The following SCART1 variants were observed in gnomAD, a reference collection of about 807,000 sequenced individuals.
The protein encoded by SCART1 is scavenger receptor cysteine-rich domain-containing protein SCART1.
SCART1 carries 62 observed loss-of-function variants against 36.2 expected under a neutral mutation model. The ratio of observed to expected loss-of-function variants is 1.71; its 90% CI spans 1.40 to 2.12. The LOEUF (loss-of-function observed/expected upper bound fraction) is 2.12, where lower values mean the gene tolerates loss of function less well. Among genes scored for constraint, SCART1 ranks in the 30% most tolerant of loss-of-function variants. The pLI is 0.00. For synonymous variants in SCART1, 487 were observed against 238.7 expected (o/e 2.04, Z -9.59); for missense variants, 1,041 against 540.5 (o/e 1.93, Z -9.18).
At chr10:133,468,094 A>G in exon 12 of SCART1, 1 of 567,500 alleles carries the variant, frequency 1.8e-6, no homozygotes. Context: ...CTCCATGTCC[A>G]TGTAAAATCC....
intron 6 of SCART1, among the ~76,000 whole-genome samples, chr10:133,460,833 G>A: frequency 6.6e-6 from 1 of 151,530 alleles, no homozygotes; most frequent in East Asian, 1.9e-4. Context: ...CTGCTTCCTG[G>A]GCTCAAACCA....
chr10:133,456,472 G>A (rs1850613756), exon 2 of SCART1: 3 of 701,974 alleles, frequency 4.3e-6, no homozygotes, highest in Non-Finnish European at 5.2e-6. Flanking sequence ...GGGGCAACGA[G>A]TCCTCCCTCT....
chr10:133,460,496 A>ATATATATATATTTTTTTT, intron 6 of SCART1, among the ~76,000 whole-genome samples: 2 of 136,006 alleles, frequency 1.5e-5, no homozygotes, highest in Non-Finnish European at 3.2e-5. Flanking sequence ...ATATTTATAT[A>ATATATATATATTTTTTTT]TTTTAAAAAA....
At chr10:133,456,041 A>T (rs1850605621) in intron 1 of SCART1, among the ~76,000 whole-genome samples, 196 bp from the exon 2 acceptor site, 1 of 152,048 alleles carries the variant, frequency 6.6e-6, no homozygotes, top group African/African-American at 2.4e-5. Context: ...GGAGGGGAGT[A>T]GCCCCCGGGG....
intron 6 of SCART1, among the ~76,000 whole-genome samples, chr10:133,463,504 C>CTTTT (rs34222160): frequency 8.0e-6 from 1 of 125,760 alleles, no homozygotes. Context: ...ACGTATTTGA[C>CTTTT]TTTTTTTTTT....
chr10:133,456,644 G>C, intron 2 of SCART1, 90 bp downstream of exon 2: 1 of 598,548 alleles, frequency 1.7e-6, no homozygotes, highest in Non-Finnish European at 3.0e-6. Context: ...GAGGAGGACT[G>C]GGAGGATGGC....
intron 10 of SCART1, 55 bp from the exon 11 acceptor site, chr10:133,467,143 C>T: frequency 6.6e-6 from 4 of 609,146 alleles, no homozygotes. Flanking sequence ...CCTCCCTTGC[C>T]TGTGGCCACA....
Position 133,464,727 on chromosome 10 carries a change from C to G in SCART1, c.2091C>G (p.Ile697Met), listed in dbSNP as rs956591569. 1.4e-5 allele frequency: 10 copies of G among 697,440 alleles called. No homozygotes were observed. The African/African-American group carries it at 1.7e-4, about 12-fold the overall frequency. 43.2% of individuals were successfully genotyped at this position (697,440 alleles called of 1,614,324 possible). A position where few individuals can be genotyped will look rare whatever the true frequency, so the allele number is the denominator to read the frequency against. ...CCCTGAAGGACCTCTCCTTGTCCAT[C>G]ATCTGCAAGCAGCTGGGGTGTGGGG... The change falls in exon 7 of 12, where the codon ATC becomes ATG. Residue 697 changes from isoleucine to methionine, a missense_variant. Coordinates refer to ENST00000640237, the Ensembl canonical transcript of SCART1.
chr10:133,459,431 G>T (rs1850665631), intron 5 of SCART1, 56 bp from the exon 6 acceptor site: 1 of 615,896 alleles, frequency 1.6e-6, no homozygotes. Context: ...CTGCTGGGGG[G>T]TGGTCCTGGG....
At position 133,457,464 on chromosome 10, in the gene SCART1, AG is replaced by A; in HGVS notation, c.573del (p.Lys192SerfsTer56). The A allele has an allele frequency of 1.4e-6, 1 of 702,674 alleles. No individual in the cohort carries two copies. The highest frequency in any genetic ancestry group is 1.5e-5 in the South Asian group (1 of 67,572). The allele number at this position is 702,674 out of a possible 1,614,324, so 43.5% of individuals were successfully genotyped here. ...CCCCCGCCGGGACGTGGGCGTCGTC[AG>A]GAAGTACCTGGCCTGCAGGGGTACC... On this transcript the variant is annotated frameshift_variant, in exon 3 of 12. Coordinates refer to ENST00000640237, the Ensembl canonical transcript of SCART1. LOFTEE classifies it high-confidence loss of function.
intron 3 of SCART1, chr10:133,457,990 G>A (rs1371888058): frequency 1.1e-5 from 6 of 529,052 alleles, no homozygotes; most frequent in Admixed American, 3.2e-5. Context: ...GAAATGAGGT[G>A]GATAGTCTGC....
chr10:133,458,474 G>T (rs1850648851), exon 4 of SCART1: 2 of 692,700 alleles, frequency 2.9e-6, no homozygotes, highest in Non-Finnish European at 5.3e-6. Flanking sequence ...CACGTGGTGT[G>T]CCGGGAGCTG....
At chr10:133,465,113 A>C (rs577762646) in exon 8 of SCART1, 21 of 703,066 alleles carry the variant, frequency 3.0e-5, no homozygotes, top group South Asian at 3.0e-4. Flanking sequence ...CAGGATTGTC[A>C]GAGGACAGGC....
At chr10:133,460,713 T>G (rs1285237522) in intron 6 of SCART1, among the ~76,000 whole-genome samples, 2 of 151,032 alleles carry the variant, frequency 1.3e-5, no homozygotes, top group African/African-American at 4.9e-5. Context: ...AGATTCTTAA[T>G]TTTGATCCAT....
At chr10:133,459,404 G>A (rs780358708) in intron 5 of SCART1, 78 bp downstream of exon 5, 66 of 614,172 alleles carry the variant, frequency 1.1e-4, no homozygotes, top group Admixed American at 2.2e-4. Flanking sequence ...GACAGAGGGG[G>A]CGGAGAGGTA....
chr10:133,456,309 G>A (rs1422585557), exon 2 of SCART1: 1 of 702,974 alleles, frequency 1.4e-6, no homozygotes, highest in Admixed American at 2.0e-5. Context: ...CGACACCACG[G>A]GGCATGGGGA....
chr10:133,465,312 G>A lies in SCART1; in HGVS notation c.2406G>A (p.Trp802Ter), dbSNP rs1227139570. 1 of 682,420 alleles carries A rather than the reference G, an allele frequency of 1.5e-6. No homozygotes were observed. Among genetic ancestry groups the A allele is most frequent in the Non-Finnish European group, 2.7e-6 (1 of 375,082 alleles). The allele number at this position is 682,420 out of a possible 1,614,324, so 42.3% of individuals were successfully genotyped here. The change falls in exon 9 of 12, where the codon TGG (tryptophan) becomes TGA (stop). Residue 802 changes from tryptophan to a stop codon, truncating the protein, a stop_gained. Transcript: ENST00000640237. LOFTEE classifies it high-confidence loss of function. ...GCTGCTCCGGGCGCGTGGAGCTCTG[G>A]CACGCGGGCTCCTGGGGCACCGTGT...
rs769346563 is a variant in SCART1 at position 133,456,241 on chromosome 10, A to C, written c.72A>C (p.Gly24=). 16 of 702,164 alleles carry C rather than the reference A, an allele frequency of 2.3e-5. 1 individual carries two copies. The South Asian group carries it at 2.4e-4, about 10-fold the overall frequency. 43.5% of individuals were successfully genotyped at this position (702,164 alleles called of 1,614,324 possible). A position where few individuals can be genotyped will look rare whatever the true frequency, so the allele number is the denominator to read the frequency against. Reference sequence around the variant, plus strand: ...ACTGGACCTGTCTGTCTGTAGGTGGACCAGGTGCTCTGAGGCTGGCGTACA... The same window carrying C: ...ACTGGACCTGTCTGTCTGTAGGTGGCCCAGGTGCTCTGAGGCTGGCGTACA... Residue 24 remains glycine (G), a synonymous_variant, in exon 2 of 12, where the codon GGA becomes GGC. Transcript: ENST00000640237.
chr10:133,459,817 C>T (rs766424426), exon 6 of SCART1: 3 of 614,724 alleles, frequency 4.9e-6, no homozygotes, highest in Non-Finnish European at 5.8e-6. Context: ...GAGGTCGGAA[C>T]CGCGTCCCCC....
Sources: gnomAD v4.1 joint callset for allele counts (sites outside exome capture counted in the v4.1 genomes callset) on GRCh38, gnomAD v4.1.1 for gene constraint, MANE v1.5 for transcripts, NCBI Gene and HGNC (gene_info 2026-07-23, HGNC 2026-07-21) for gene names.